The following CFAP221 variants were observed in gnomAD, a reference collection of about 807,000 sequenced individuals.
The protein encoded by CFAP221 is cilia and flagella associated protein 221, also known as cilia- and flagella-associated protein 221.
In CFAP221, 97 loss-of-function variants were observed where a neutral mutation model predicts 113.1. That is an observed-to-expected ratio of 0.86 (90% confidence interval 0.73 to 1.02). The LOEUF is 1.02. Ranked by LOEUF, CFAP221 falls within the 50% of genes least tolerant of loss-of-function variation. The probability of loss-of-function intolerance (pLI) is 0.00; values close to 1 mark genes in which losing one functional copy is unlikely to be tolerated. For synonymous variants in CFAP221, 331 were observed against 354.4 expected, an observed-to-expected ratio of 0.93 and a Z score of 0.74; for missense variants, 1,025 against 1,013.4, an observed-to-expected ratio of 1.01 and a Z score of -0.16.
intron 14 of CFAP221, among the ~76,000 whole-genome samples, chr2:119,618,416 G>A (rs1043549311): frequency 7.2e-5 from 11 of 152,226 alleles, no homozygotes; most frequent in African/African-American, 2.7e-4. Flanking sequence ...TGTTTAGACA[G>A]TGGGTACAGC....
chr2:119,556,548 T>C (rs542733309), intron 3 of CFAP221, among the ~76,000 whole-genome samples: 1 of 151,312 alleles, frequency 6.6e-6, no homozygotes, highest in East Asian at 1.9e-4. Context: ...TATTGCTAAA[T>C]TTTTTTTCTT....
At chr2:119,554,872 A>G (rs1057104052) in intron 3 of CFAP221, among the ~76,000 whole-genome samples, 41 of 152,356 alleles carry the variant, frequency 2.7e-4, no homozygotes, top group Non-Finnish European at 5.3e-4. Context: ...TATGTTAAGT[A>G]TGAACCTTCT....
chr2:119,569,552 A>G (rs1054251834), intron 6 of CFAP221, among the ~76,000 whole-genome samples: 2 of 151,844 alleles, frequency 1.3e-5, no homozygotes, highest in Non-Finnish European at 2.9e-5. Context: ...CATTTATGGA[A>G]ATTATTAGGC....
chr2:119,592,781 A>G (rs561725862), intron 7 of CFAP221, among the ~76,000 whole-genome samples: 7 of 152,212 alleles, frequency 4.6e-5, no homozygotes, highest in Non-Finnish European at 8.8e-5. Flanking sequence ...AACTTGGTCT[A>G]TCTCAGAACT....
At chr2:119,650,192 T>G (rs919178331) in intron 22 of CFAP221, among the ~76,000 whole-genome samples, 1 of 152,218 alleles carries the variant, frequency 6.6e-6, no homozygotes, top group South Asian at 2.1e-4. Flanking sequence ...ATATTGATAG[T>G]TTAAGTATAT....
chr2:119,562,707 A>G (rs1681345211), intron 6 of CFAP221, among the ~76,000 whole-genome samples: 1 of 152,222 alleles, frequency 6.6e-6, no homozygotes, highest in Non-Finnish European at 1.5e-5. Context: ...AATTTAAGGA[A>G]TGTCTTGTTC....
downstream of CFAP221, among the ~76,000 whole-genome samples, chr2:119,658,535 G>T (rs1199915631): frequency 2.0e-5 from 3 of 151,966 alleles, no homozygotes; most frequent in Non-Finnish European, 4.4e-5. Flanking sequence ...GGTACTTGTT[G>T]CTACTGTGGT....
At chr2:119,610,533 T>C (rs1431202448) in intron 12 of CFAP221, among the ~76,000 whole-genome samples, 1 of 152,160 alleles carries the variant, frequency 6.6e-6, no homozygotes, top group African/African-American at 2.4e-5. Flanking sequence ...TATTTGCCAG[T>C]CCCTTCTTTA....
chr2:119,566,559 C>T (rs916182456), intron 6 of CFAP221, among the ~76,000 whole-genome samples: 3 of 152,258 alleles, frequency 2.0e-5, no homozygotes, highest in Admixed American at 1.3e-4. Context: ...ATGAGTACCC[C>T]CCCAGCTCCT....
At position 119,638,273 on chromosome 2, in the gene CFAP221, A is replaced by T; in HGVS notation, c.1989A>T (p.Gly663=). 1 of 1,614,114 alleles carries T rather than the reference A, an allele frequency of 6.2e-7. No homozygotes were observed. Among genetic ancestry groups the T allele is most frequent in the Non-Finnish European group, 8.5e-7 (1 of 1,179,984 alleles). Residue 663 remains glycine (G), a synonymous_variant, in exon 20 of 24, where the codon GGA becomes GGT. Transcript: ENST00000413369. ...GTCTTCGGCAGAATCCCAACCCAGG[A>T]TTATTTGCTGTAATGCATCCTCTGA... is the stretch of plus-strand genomic sequence containing the variant. ...DPLYVFNPNP[G]LFAVMHPLTY...
chr2:119,626,028 G>T (rs763714428), intron 15 of CFAP221, among the ~76,000 whole-genome samples: 2 of 152,100 alleles, frequency 1.3e-5, no homozygotes, highest in South Asian at 2.1e-4. Context: ...CAAGGTGCTG[G>T]TAGGGCTGCG....
chr2:119,559,040 G>C (rs1681029958), intron 3 of CFAP221, among the ~76,000 whole-genome samples: 1 of 152,166 alleles, frequency 6.6e-6, no homozygotes, highest in Non-Finnish European at 1.5e-5. Flanking sequence ...GCAAAGCCCA[G>C]ATCCCCAGAA....
chr2:119,594,302 C>G (rs1435320175), intron 7 of CFAP221, among the ~76,000 whole-genome samples: 1 of 151,700 alleles, frequency 6.6e-6, no homozygotes, highest in Non-Finnish European at 1.5e-5. Flanking sequence ...GTGGCATGAT[C>G]TTGGCTCACT....
intron 23 of CFAP221, chr2:119,656,143 C>T: frequency 2.0e-6 from 1 of 503,684 alleles, no homozygotes; most frequent in East Asian, 3.4e-5. Context: ...CTTGCCCATG[C>T]TCAGAAACTG....
chr2:119,659,961 A>G (rs753290358), downstream of CFAP221, among the ~76,000 whole-genome samples: 2 of 152,210 alleles, frequency 1.3e-5, no homozygotes, highest in African/African-American at 2.4e-5. Context: ...TTCGTTCACC[A>G]ACATCCAACC....
intron 2 of CFAP221, among the ~76,000 whole-genome samples, chr2:119,547,080 C>T (rs758747975): frequency 3.9e-5 from 6 of 152,156 alleles, no homozygotes; most frequent in South Asian, 4.1e-4. Context: ...TGGTTACCCA[C>T]CACTCATCTT....
chr2:119,583,785 G>C (rs914203505), intron 6 of CFAP221, among the ~76,000 whole-genome samples: 2 of 152,192 alleles, frequency 1.3e-5, no homozygotes, highest in Non-Finnish European at 2.9e-5. Flanking sequence ...AACAGGATTA[G>C]TGTCCTTATA....
chr2:119,659,924 C>T (rs975373546), downstream of CFAP221, among the ~76,000 whole-genome samples: 2 of 152,354 alleles, frequency 1.3e-5, no homozygotes, highest in African/African-American at 2.4e-5. Context: ...TCAGCATCCA[C>T]GCTTAATACC....
In CFAP221 at chr2:119,656,507, C is replaced by G; in HGVS notation, c.*37C>G. The G allele has an allele frequency of 1.3e-6, 2 of 1,504,462 alleles. No homozygotes were observed. The highest frequency in any genetic ancestry group is 1.8e-6 in the Non-Finnish European group (2 of 1,083,846). 93.2% of individuals were successfully genotyped at this position (1,504,462 alleles called of 1,614,324 possible). Reference sequence around the variant, plus strand: ...AGGTCAGTCCCTTCCATTTGCTTTCCGTGGGCCACTGTGGCCCCTTGCGTC... The same window carrying G: ...AGGTCAGTCCCTTCCATTTGCTTTCGGTGGGCCACTGTGGCCCCTTGCGTC... On this transcript the variant is annotated 3_prime_UTR_variant, in exon 24 of 24. Coordinates refer to ENST00000413369, the MANE Select transcript of CFAP221 (RefSeq NM_001271049.2).
Sources: allele counts gnomAD v4.1 joint callset (sites outside exome capture counted in the v4.1 genomes callset), GRCh38; gene constraint gnomAD v4.1.1; transcripts MANE v1.5; gene names NCBI Gene and HGNC (gene_info 2026-07-23, HGNC 2026-07-21).